Variants in SV2C observed in about 807,000 individuals in gnomAD.
SV2C encodes the protein synaptic vesicle glycoprotein 2C.
Under a neutral mutation model 79.7 loss-of-function variants are expected in SV2C, and 49 were observed. That is an observed-to-expected ratio of 0.61 (90% CI 0.49 to 0.78). The LOEUF (loss-of-function observed/expected upper bound fraction) is 0.78, where lower values mean the gene tolerates loss of function less well. Ranked by LOEUF, SV2C falls within the 30% of genes least tolerant of loss-of-function variation. The pLI is 0.00. For missense variants in SV2C, 833 were observed against 912.9 expected (o/e 0.91, Z 1.13); for synonymous variants, 334 against 333.2 (o/e 1.00, Z -0.03).
chr5:76,122,992 AAGAG>A (rs1314485630), intron 1 of SV2C, among the ~76,000 whole-genome samples: 1 of 152,186 alleles, frequency 6.6e-6, no homozygotes, highest in African/African-American at 2.4e-5. Context: ...TAAAGAAAAA[AAGAG>A]AGAAGAATCA....
chr5:75,920,587 G>A, the SV2C span: 94 of 531,390 alleles, frequency 1.8e-4, 2 homozygotes, highest in African/African-American at 1.2e-3. Flanking sequence ...CTCTGATAGT[G>A]CATGTGGACC....
chr5:75,883,451 A>G, the SV2C span, among the ~76,000 whole-genome samples: 15 of 139,976 alleles, frequency 1.1e-4, 2 homozygotes, highest in African/African-American at 3.2e-4. Flanking sequence ...CAAATGTCCA[A>G]CGATAGACTG....
chr5:75,993,779 G>T, the SV2C span, among the ~76,000 whole-genome samples: 1 of 152,086 alleles, frequency 6.6e-6, no homozygotes, highest in Non-Finnish European at 1.5e-5. Flanking sequence ...GAGGGGGATA[G>T]TTCTTATTCC....
intron 4 of SV2C, among the ~76,000 whole-genome samples, chr5:76,247,926 T>C (rs975254747): frequency 3.3e-5 from 5 of 152,144 alleles, no homozygotes; most frequent in African/African-American, 9.7e-5. Context: ...CTTCCTCACC[T>C]GGCAAGGTAT....
the SV2C span, among the ~76,000 whole-genome samples, chr5:76,065,503 A>G: frequency 2.5e-4 from 38 of 152,320 alleles, no homozygotes; most frequent in African/African-American, 8.9e-4. Context: ...CCGTCTGCCT[A>G]CAATGAACTT....
chr5:76,232,335 T>C (rs1191576078), intron 4 of SV2C, among the ~76,000 whole-genome samples: 1 of 151,194 alleles, frequency 6.6e-6, no homozygotes, highest in Non-Finnish European at 1.5e-5. Context: ...ATTCTGGATA[T>C]TAGCCCTTTG....
the SV2C span, among the ~76,000 whole-genome samples, chr5:75,965,785 G>A: frequency 6.6e-6 from 1 of 151,760 alleles, no homozygotes; most frequent in Non-Finnish European, 1.5e-5. Flanking sequence ...GATACAGGAA[G>A]ATGTATACCA....
At chr5:75,945,727 G>A in the SV2C span, among the ~76,000 whole-genome samples, 3 of 152,132 alleles carry the variant, frequency 2.0e-5, no homozygotes, top group African/African-American at 7.2e-5. Flanking sequence ...ATACGAGTAT[G>A]TTCTCTAGGC....
At chr5:76,208,207 A>G (rs534555231) in intron 3 of SV2C, among the ~76,000 whole-genome samples, 1 of 152,368 alleles carries the variant, frequency 6.6e-6, no homozygotes, top group South Asian at 2.1e-4. Flanking sequence ...TATATTTTAT[A>G]TATGTATATT....
At chr5:75,969,034 C>G in the SV2C span, among the ~76,000 whole-genome samples, 73 of 152,182 alleles carry the variant, frequency 4.8e-4, no homozygotes, top group Non-Finnish European at 6.2e-4. Flanking sequence ...CATTCTTAAA[C>G]AAAAGAATTT....
intron 4 of SV2C, among the ~76,000 whole-genome samples, chr5:76,244,968 G>A (rs1745900054): frequency 6.6e-6 from 1 of 152,152 alleles, no homozygotes; most frequent in Admixed American, 6.5e-5. Context: ...TACTGCCTTT[G>A]TACACAACCT....
chr5:76,111,752 G>A (rs146555203), intron 1 of SV2C, among the ~76,000 whole-genome samples: 2 of 152,274 alleles, frequency 1.3e-5, no homozygotes, highest in South Asian at 2.1e-4. Context: ...TTCCTGCATC[G>A]TGTGAGTCAT....
the SV2C span, among the ~76,000 whole-genome samples, chr5:75,868,279 T>C: frequency 3.3e-5 from 5 of 152,196 alleles, no homozygotes; most frequent in African/African-American, 1.2e-4. Context: ...GGCCAAATGA[T>C]AACACCCATG....
chr5:76,159,000 T>G (rs767733647), intron 2 of SV2C, among the ~76,000 whole-genome samples: 11 of 152,038 alleles, frequency 7.2e-5, no homozygotes, highest in Non-Finnish European at 1.6e-4. Flanking sequence ...CAAGATCAAT[T>G]AATGTAATGT....
intron 1 of SV2C, among the ~76,000 whole-genome samples, chr5:76,092,163 C>G (rs1580259061): frequency 6.6e-6 from 1 of 152,132 alleles, no homozygotes; most frequent in East Asian, 1.9e-4. Flanking sequence ...AGATCAAACT[C>G]TCTTATCTTT....
the SV2C span, among the ~76,000 whole-genome samples, chr5:75,990,694 T>C: frequency 9.6e-3 from 1,460 of 152,030 alleles, 26 homozygotes; most frequent in African/African-American, 0.033. Flanking sequence ...GCTGGAGATA[T>C]ACCTAATGTA....
intron 3 of SV2C, among the ~76,000 whole-genome samples, chr5:76,196,461 CTACA>C (rs1275021278): frequency 6.6e-6 from 1 of 152,164 alleles, no homozygotes; most frequent in African/African-American, 2.4e-5. Context: ...GTGAGACTGG[CTACA>C]TACGCTGCTG....
the SV2C span, among the ~76,000 whole-genome samples, chr5:75,937,414 G>T: frequency 6.6e-6 from 1 of 152,006 alleles, no homozygotes; most frequent in Non-Finnish European, 1.5e-5. Flanking sequence ...CAAAAAACGA[G>T]CCCTGGCTGG....
chr5:76,256,742 A>G (rs1579993559), intron 4 of SV2C, among the ~76,000 whole-genome samples: 2 of 152,320 alleles, frequency 1.3e-5, no homozygotes, highest in South Asian at 4.1e-4. Context: ...CTACCAAATC[A>G]TCTTTTAATC....
Sources: gnomAD v4.1 joint callset for allele counts (sites outside exome capture counted in the v4.1 genomes callset) on GRCh38, gnomAD v4.1.1 for gene constraint, MANE v1.5 for transcripts, NCBI Gene and HGNC (gene_info 2026-07-23, HGNC 2026-07-21) for gene names.